Variants in SVOPL observed in about 807,000 individuals in gnomAD.
SVOPL encodes putative transporter SVOPL.
SVOPL carries 60 observed loss-of-function variants against 61.0 expected under a neutral mutation model. That is an observed-to-expected ratio of 0.98 (90% CI 0.80 to 1.22). SVOPL has a LOEUF of 1.22. Among genes scored for constraint, SVOPL ranks in the 50% most tolerant of loss-of-function variants. The pLI, the probability that SVOPL is intolerant of heterozygous loss-of-function variation, is 0.00. For missense variants in SVOPL, 662 were observed against 643.9 expected (o/e 1.03, Z -0.30); for synonymous variants, 279 against 250.0 (o/e 1.12, Z -1.09).
At chr7:138,606,998 C>T (rs1798787511) in intron 14 of SVOPL, among the ~76,000 whole-genome samples, 1 of 150,178 alleles carries the variant, frequency 6.7e-6, no homozygotes, top group African/African-American at 2.4e-5. Flanking sequence ...GGAGGACTTG[C>T]CCTAACTGTC....
intron 9 of SVOPL, among the ~76,000 whole-genome samples, chr7:138,643,092 T>C (rs1278618123): frequency 6.6e-6 from 1 of 151,956 alleles, no homozygotes; most frequent in Admixed American, 6.6e-5. Flanking sequence ...TATCACAGGA[T>C]CCAGCAATTC....
At chr7:138,644,337 C>T (rs140100936) in intron 9 of SVOPL, among the ~76,000 whole-genome samples, 99 of 151,928 alleles carry the variant, frequency 6.5e-4, no homozygotes, top group Admixed American at 1.5e-3. Flanking sequence ...TTAACACCTA[C>T]CTTATAGAAA....
intron 1 of SVOPL, among the ~76,000 whole-genome samples, chr7:138,688,600 TG>T (rs781668791): frequency 4.6e-5 from 7 of 152,156 alleles, no homozygotes; most frequent in Non-Finnish European, 1.0e-4. Context: ...GTAGGCAGTA[TG>T]TTTCTCATAC....
intron 7 of SVOPL, among the ~76,000 whole-genome samples, chr7:138,653,535 C>T (rs1329785571): frequency 6.6e-6 from 1 of 152,138 alleles, no homozygotes; most frequent in Non-Finnish European, 1.5e-5. Flanking sequence ...TGCACAGTGC[C>T]TCTTACCTGT....
chr7:138,619,819 C>T (rs1799470195), intron 14 of SVOPL, among the ~76,000 whole-genome samples: 1 of 152,080 alleles, frequency 6.6e-6, no homozygotes, highest in Non-Finnish European at 1.5e-5. Flanking sequence ...GTCTCTATCT[C>T]GGGATTCAGA....
intron 14 of SVOPL, among the ~76,000 whole-genome samples, chr7:138,617,377 T>G (rs1231300545): frequency 2.0e-5 from 3 of 152,000 alleles, no homozygotes; most frequent in African/African-American, 7.2e-5. Context: ...ACAGCATGTT[T>G]TAGGCAAAAA....
intron 6 of SVOPL, among the ~76,000 whole-genome samples, 162 bp from the exon 7 acceptor site, chr7:138,656,673 C>T (rs1801750769): frequency 6.6e-6 from 1 of 152,146 alleles, no homozygotes. Flanking sequence ...CATAAGAGAA[C>T]AGTAAGAACG....
intron 14 of SVOPL, among the ~76,000 whole-genome samples, chr7:138,611,660 G>C (rs1300774036): frequency 2.0e-5 from 3 of 151,814 alleles, no homozygotes; most frequent in African/African-American, 4.9e-5. Context: ...TCATCTTTCG[G>C]CTGTAACCAT....
At position 138,594,595 on chromosome 7, in the gene SVOPL, T is replaced by G. The variant is rs370730995; in HGVS notation, c.*15A>C. 7 of 1,595,204 alleles carry G rather than the reference T, an allele frequency of 4.4e-6. No individual in the cohort carries two copies. Among genetic ancestry groups the G allele is most frequent in the Non-Finnish European group, 6.0e-6 (7 of 1,172,076 alleles). On this transcript the variant is annotated 3_prime_UTR_variant, in exon 16 of 16. Transcript: ENST00000674285. The stretch of plus-strand genomic sequence containing the variant: ...ATTCATTTTTCTCATCTGGTAGACA[T>G]AGCTTTGCAGGTCTTCATTTAATTT...
chr7:138,640,209 ATTT>A (rs536556189), intron 9 of SVOPL, among the ~76,000 whole-genome samples: 1 of 77,636 alleles, frequency 1.3e-5, no homozygotes, highest in Non-Finnish European at 2.5e-5. Context: ...AAAGACAATG[ATTT>A]TTTTTTAACT....
At chr7:138,668,960 G>A (rs1802346351) in intron 4 of SVOPL, among the ~76,000 whole-genome samples, 1 of 152,172 alleles carries the variant, frequency 6.6e-6, no homozygotes, top group Non-Finnish European at 1.5e-5. Context: ...TTGAGCACCT[G>A]GGCTCACAGT....
chr7:138,635,403 T>A, intron 9 of SVOPL, among the ~76,000 whole-genome samples: 1 of 151,788 alleles, frequency 6.6e-6, no homozygotes, highest in East Asian at 1.9e-4. Context: ...TACTTTTTTT[T>A]TTTTTTAAAT....
chr7:138,687,524 A>G (rs551813634), intron 1 of SVOPL, among the ~76,000 whole-genome samples: 26 of 151,826 alleles, frequency 1.7e-4, no homozygotes, highest in African/African-American at 6.0e-4. Flanking sequence ...GGCATGAGCC[A>G]CTGCACTTGC....
At chr7:138,692,008 G>A (rs1169663405) in intron 1 of SVOPL, among the ~76,000 whole-genome samples, 1 of 152,016 alleles carries the variant, frequency 6.6e-6, no homozygotes, top group East Asian at 1.9e-4. Flanking sequence ...AGTAGAGACA[G>A]GGTTTCACCA....
chr7:138,611,524 T>G (rs972460212), intron 14 of SVOPL, among the ~76,000 whole-genome samples: 1 of 152,218 alleles, frequency 6.6e-6, no homozygotes, highest in East Asian at 1.9e-4. Context: ...TGGAAATCAC[T>G]TCTGAAAAAA....
In SVOPL at chr7:138,594,889, C is replaced by CAT. The variant is rs1241315200; in HGVS notation, c.1468-270_1468-269dup. The stretch of plus-strand genomic sequence containing the variant: ...ATATGTATACATATATACATACATA[C>CAT]ATATATATACACGTGTGTGTCTGTG... On this transcript the variant is annotated intron_variant, in intron 15 of 15. Transcript: ENST00000674285. Among the ~76,000 whole-genome samples, 5 of 151,274 alleles carry CAT rather than the reference C, an allele frequency of 3.3e-5. No homozygotes were observed. In the South Asian group the frequency reaches 8.3e-4, roughly 25 times the overall value.
intron 4 of SVOPL, among the ~76,000 whole-genome samples, chr7:138,666,592 C>T (rs1172881203): frequency 1.3e-5 from 2 of 152,204 alleles, no homozygotes; most frequent in Admixed American, 1.3e-4. Flanking sequence ...CACTACAGTG[C>T]TGATTGGACA....
intron 14 of SVOPL, among the ~76,000 whole-genome samples, chr7:138,618,237 T>C (rs547360464): frequency 6.6e-6 from 1 of 152,340 alleles, no homozygotes; most frequent in African/African-American, 2.4e-5. Context: ...ATCATGATAA[T>C]ATTAGCTCAC....
chr7:138,601,168 C>T (rs539513117), intron 14 of SVOPL, among the ~76,000 whole-genome samples: 5 of 147,766 alleles, frequency 3.4e-5, no homozygotes, highest in Non-Finnish European at 7.4e-5. Flanking sequence ...AGGAGAATGG[C>T]GTGAATTCGG....
Sources: gnomAD v4.1 joint callset for allele counts (sites outside exome capture counted in the v4.1 genomes callset) on GRCh38, gnomAD v4.1.1 for gene constraint, MANE v1.5 for transcripts, NCBI Gene and HGNC (gene_info 2026-07-23, HGNC 2026-07-21) for gene names.